The following CRYBG3 variants were observed in gnomAD, a reference collection of about 807,000 sequenced individuals.
CRYBG3 encodes very large A-kinase anchor protein.
CRYBG3 carries 127 observed loss-of-function variants against 244.2 expected under a neutral mutation model. That is an observed-to-expected ratio of 0.52 (90% CI 0.45 to 0.60). CRYBG3 has a LOEUF of 0.60. Ranked by LOEUF, CRYBG3 falls within the 20% of genes least tolerant of loss-of-function variation. The pLI is 0.00. For synonymous variants in CRYBG3, 1,132 were observed against 1,195.8 expected, an observed-to-expected ratio of 0.95 and a Z score of 1.10; for missense variants, 3,325 against 3,442.5, an observed-to-expected ratio of 0.97 and a Z score of 0.85.
intron 3 of CRYBG3, among the ~76,000 whole-genome samples, chr3:97,868,628 GA>G (rs1308667696): frequency 6.6e-6 from 1 of 152,098 alleles, no homozygotes; most frequent in Non-Finnish European, 1.5e-5. Flanking sequence ...CCAACTTCTT[GA>G]AAGTACTCAG....
Position 97,904,213 on chromosome 3 carries a change from G to A in CRYBG3, c.8004+3728G>A, listed in dbSNP as rs566858529. Among the ~76,000 whole-genome samples the A allele has an allele frequency of 2.0e-5, 3 of 152,250 alleles. No homozygotes were observed. In the East Asian group the frequency reaches 5.8e-4, roughly 29 times the overall value. On this transcript the variant is annotated intron_variant, in intron 15 of 21. Transcript: ENST00000389622. Reference sequence around the variant, plus strand: ...TGGACAATCCTCAGAACATTATTATGAGAATTGTTCTATTTTGAGGATTGA... The same window carrying A: ...TGGACAATCCTCAGAACATTATTATAAGAATTGTTCTATTTTGAGGATTGA...
At chr3:97,858,503 T>C (rs997747320) in intron 2 of CRYBG3, among the ~76,000 whole-genome samples, 1 of 152,098 alleles carries the variant, frequency 6.6e-6, no homozygotes, top group Non-Finnish European at 1.5e-5. Context: ...TCTCTTTTCC[T>C]CCTAGGCTTT....
Position 97,871,904 on chromosome 3 carries a change from A to G in CRYBG3, c.710A>G (p.His237Arg), listed in dbSNP as rs929535059. The change falls in exon 4 of 22, where the codon CAC becomes CGC. Residue 237 changes from histidine to arginine, a missense_variant. Coordinates refer to ENST00000389622, the MANE Select transcript of CRYBG3 (RefSeq NM_153605.4). Reference protein sequence around the residue: ...VTYATYRGPRHIGKYLKQQTG... With the variant: ...VTYATYRGPRRIGKYLKQQTG... ...TATGCAACATATCGAGGCCCAAGACACATTGGGAAATATTTAAAGCAACAG... is the reference window on the plus strand; with the variant it reads ...TATGCAACATATCGAGGCCCAAGACGCATTGGGAAATATTTAAAGCAACAG... The G allele has an allele frequency of 1.5e-5, 23 of 1,534,878 alleles. No individual in the cohort carries two copies. The highest frequency in any genetic ancestry group is 1.7e-5 in the Non-Finnish European group (19 of 1,146,410).
In CRYBG3 at chr3:97,899,243, T is replaced by G; in HGVS notation, c.7951T>G (p.Ser2651Ala). 1 of 1,613,254 alleles carries G rather than the reference T, an allele frequency of 6.2e-7. No homozygotes were observed. Among genetic ancestry groups the G allele is most frequent in the Non-Finnish European group, 8.5e-7 (1 of 1,179,744 alleles). Reference protein sequence around the residue: ...DWGGSNNIIMSIRPIQLEPLG... With the variant: ...DWGGSNNIIMAIRPIQLEPLG... ...GGGAGGATCAAATAATATAATCATG[T>G]CGATACGGCCAATCCAACTGGTGAG... The change falls in exon 14 of 22, where the codon TCG (serine) becomes GCG (alanine). Residue 2651 changes from serine to alanine, a missense_variant. By Grantham distance (99) the Ser-to-Ala change is moderately conservative. Around this residue, in one of 4 missense-constraint regions of CRYBG3, gnomAD observed 714 missense variants for 803.6 expected, o/e 0.89. Transcript: ENST00000389622.
intron 17 of CRYBG3, among the ~76,000 whole-genome samples, chr3:97,928,597 A>G (rs970649864): frequency 2.0e-5 from 3 of 152,036 alleles, no homozygotes; most frequent in Non-Finnish European, 4.4e-5. Flanking sequence ...ACAGTTCTGC[A>G]ATCCCTAAAC....
chr3:97,941,473 AC>A (rs2040230192), intron 20 of CRYBG3, among the ~76,000 whole-genome samples, 167 bp downstream of exon 20: 1 of 150,030 alleles, frequency 6.7e-6, no homozygotes, highest in African/African-American at 2.5e-5. Context: ...TATAAAATTA[AC>A]TTAATTTTTT....
chr3:97,859,818 T>C (rs917399259), intron 2 of CRYBG3, among the ~76,000 whole-genome samples: 2 of 152,130 alleles, frequency 1.3e-5, no homozygotes, highest in East Asian at 3.9e-4. Flanking sequence ...TCCTTGCCAC[T>C]TTACTTGGCA....
At chr3:97,942,004 A>G (rs191408084) in intron 20 of CRYBG3, 46 of 242,768 alleles carry the variant, frequency 1.9e-4, no homozygotes, top group Admixed American at 5.0e-4. Context: ...TTTAATTCCA[A>G]TTCACCAAAT....
chr3:97,915,539 A>G (rs1419861048), intron 16 of CRYBG3, 71 bp from the exon 17 acceptor site: 2 of 1,499,778 alleles, frequency 1.3e-6, no homozygotes, highest in Non-Finnish European at 1.8e-6. Flanking sequence ...CCCAATTCCC[A>G]CAGCATGATA....
intron 12 of CRYBG3, among the ~76,000 whole-genome samples, chr3:97,896,693 C>T (rs1047787713): frequency 6.6e-6 from 1 of 152,296 alleles, no homozygotes; most frequent in African/African-American, 2.4e-5. Context: ...GGGCCTTTGG[C>T]AGTGTCTGGA....
chr3:97,845,060 C>A (rs191519832), intron 2 of CRYBG3, among the ~76,000 whole-genome samples: 1 of 152,134 alleles, frequency 6.6e-6, no homozygotes, highest in Non-Finnish European at 1.5e-5. Context: ...TTTCTTCAAC[C>A]TAGCCGCACA....
At chr3:97,843,901 G>A (rs1049481240) in intron 2 of CRYBG3, among the ~76,000 whole-genome samples, 3 of 152,048 alleles carry the variant, frequency 2.0e-5, no homozygotes, top group Admixed American at 6.6e-5. Context: ...ATGTGATCAC[G>A]TTTTGGTAGC....
At chr3:97,866,834 TC>T (rs2039238928) in intron 3 of CRYBG3, among the ~76,000 whole-genome samples, 1 of 152,130 alleles carries the variant, frequency 6.6e-6, no homozygotes, top group Admixed American at 6.5e-5. Context: ...TTAAGGCAAT[TC>T]TCCAAAGTCT....
chr3:97,920,334 A>G (rs76768465), intron 17 of CRYBG3, among the ~76,000 whole-genome samples: 1,788 of 152,240 alleles, frequency 0.012, 25 homozygotes, highest in African/African-American at 0.04. Flanking sequence ...AATTTTCATT[A>G]TCATAACATC....
chr3:97,831,162 AG>A (rs1258094630), intron 1 of CRYBG3, among the ~76,000 whole-genome samples: 1 of 152,180 alleles, frequency 6.6e-6, no homozygotes, highest in Non-Finnish European at 1.5e-5. Flanking sequence ...GGATGATTTT[AG>A]GGGAATAGTA....
intron 12 of CRYBG3, among the ~76,000 whole-genome samples, chr3:97,897,250 T>C (rs1389079903): frequency 6.6e-6 from 1 of 152,050 alleles, no homozygotes; most frequent in East Asian, 1.9e-4. Flanking sequence ...ATGTCTCATA[T>C]CACATTGCCC....
In CRYBG3 at chr3:97,943,461, A is replaced by G; in HGVS notation, c.*147A>G. On this transcript the variant is annotated 3_prime_UTR_variant, in exon 22 of 22. Transcript: ENST00000389622. ...AACATTTTCTCCAGCCTCTGAGACT[A>G]TCGCTCTTAACCATGGAAAAGCTCA... 1 of 617,738 alleles carries G rather than the reference A, an allele frequency of 1.6e-6. No homozygotes were observed. The highest frequency in any genetic ancestry group is 2.8e-6 in the Non-Finnish European group (1 of 353,356). 38.3% of individuals were successfully genotyped at this position (617,738 alleles called of 1,614,324 possible).
intron 1 of CRYBG3, among the ~76,000 whole-genome samples, chr3:97,834,720 T>C (rs755518187): frequency 7.9e-5 from 12 of 152,130 alleles, no homozygotes; most frequent in Non-Finnish European, 1.8e-4. Flanking sequence ...AAATAAAAAA[T>C]TTTTGGCAAT....
chr3:97,900,688 T>G (rs1241784546), intron 15 of CRYBG3, among the ~76,000 whole-genome samples: 1 of 152,220 alleles, frequency 6.6e-6, no homozygotes, highest in Non-Finnish European at 1.5e-5. Context: ...ACACTTCCTT[T>G]TGTTTTCTCC....
Sources: allele counts gnomAD v4.1 joint callset (sites outside exome capture counted in the v4.1 genomes callset), GRCh38; gene constraint gnomAD v4.1.1; regional missense constraint gnomAD v4.1.1; transcripts MANE v1.5; gene names NCBI Gene and HGNC (gene_info 2026-07-23, HGNC 2026-07-21).